CNTN5: variants seen among roughly 807,000 people sequenced by gnomAD.
CNTN5 encodes contactin 5.
A neutral mutation model predicts 129.1 loss-of-function variants in CNTN5; 77 were observed. That is an observed-to-expected ratio of 0.60 (90% CI 0.50 to 0.72). The LOEUF (loss-of-function observed/expected upper bound fraction) is 0.72, where lower values mean the gene tolerates loss of function less well. Ranked by LOEUF, CNTN5 falls within the 30% of genes least tolerant of loss-of-function variation. The pLI is 0.00. For missense variants in CNTN5, 1,478 were observed against 1,328.8 expected, an observed-to-expected ratio of 1.11 and a Z score of -1.75; for synonymous variants, 509 against 465.6, an observed-to-expected ratio of 1.09 and a Z score of -1.20.
In CNTN5 at chr11:100,248,689, A is replaced by G. The variant is rs1949898654; in HGVS notation, c.2006-7071A>G. Among the ~76,000 whole-genome samples, 4 of 152,218 alleles carry G rather than the reference A, an allele frequency of 2.6e-5. No homozygotes were observed. The South Asian group carries it at 8.3e-4, about 32-fold the overall frequency. ...ATCAGCAAGTCTCAGAATTTCACAGAAAATATGATGTTATCTATGTGAGAA... is the reference window on the plus strand; with the variant it reads ...ATCAGCAAGTCTCAGAATTTCACAGGAAATATGATGTTATCTATGTGAGAA... On this transcript the variant is annotated intron_variant, in intron 16 of 24. Transcript: ENST00000524871.
intron 3 of CNTN5, among the ~76,000 whole-genome samples, chr11:99,817,021 A>G (rs1946609443): frequency 1.3e-5 from 2 of 152,206 alleles, no homozygotes; most frequent in Non-Finnish European, 2.9e-5. Flanking sequence ...CTTAAAGCTG[A>G]ATGAGAGTTT....
chr11:99,151,154 C>G (rs1201516646), intron 1 of CNTN5, among the ~76,000 whole-genome samples: 1 of 151,794 alleles, frequency 6.6e-6, no homozygotes. Flanking sequence ...CCAGAAGGTG[C>G]CTTTAGTTGA....
intron 8 of CNTN5, among the ~76,000 whole-genome samples, chr11:99,991,328 G>A (rs7108493): frequency 0.38 from 57,414 of 151,774 alleles, 12,300 homozygotes; most frequent in African/African-American, 0.59. Flanking sequence ...TTAGCCAGGC[G>A]TGGTGGTGGG....
At chr11:99,850,464 TAAGC>T (rs1048416272) in intron 6 of CNTN5, among the ~76,000 whole-genome samples, 3 of 152,158 alleles carry the variant, frequency 2.0e-5, no homozygotes, top group Non-Finnish European at 2.9e-5. Context: ...TTGGAAAAAT[TAAGC>T]AAGTATAAAG....
At chr11:99,947,332 GT>G (rs2136134241) in intron 7 of CNTN5, among the ~76,000 whole-genome samples, 1 of 140,624 alleles carries the variant, frequency 7.1e-6, no homozygotes, top group African/African-American at 2.6e-5. Flanking sequence ...ATAAATATGT[GT>G]TTTATGATTA....
intron 15 of CNTN5, among the ~76,000 whole-genome samples, chr11:100,211,093 T>G (rs1184645508): frequency 6.6e-6 from 1 of 152,154 alleles, no homozygotes; most frequent in Non-Finnish European, 1.5e-5. Flanking sequence ...AATGTCATCC[T>G]CCATGTGTCT....
chr11:99,425,405 A>G (rs570853463), intron 2 of CNTN5, among the ~76,000 whole-genome samples: 206 of 152,324 alleles, frequency 1.4e-3, no homozygotes, highest in African/African-American at 4.8e-3. Context: ...CATGGCGCCA[A>G]GGTTGTTCGT....
At chr11:99,037,611 C>T (rs1398015100) in intron 1 of CNTN5, among the ~76,000 whole-genome samples, 1 of 132,682 alleles carries the variant, frequency 7.5e-6, no homozygotes, top group African/African-American at 2.9e-5. Context: ...CATGGAGTCT[C>T]GCTCTCTTAC....
chr11:99,726,870 T>A (rs1012816133), intron 3 of CNTN5, among the ~76,000 whole-genome samples: 7 of 152,168 alleles, frequency 4.6e-5, no homozygotes, highest in Admixed American at 2.0e-4. Context: ...TGTGATGATA[T>A]CCTGTAAATT....
At chr11:99,201,351 TTTCC>T (rs71046674) in intron 1 of CNTN5, among the ~76,000 whole-genome samples, 12 of 88,150 alleles carry the variant, frequency 1.4e-4, no homozygotes, top group Admixed American at 3.7e-4. Flanking sequence ...CTTCCTTTCC[TTTCC>T]TTCCTTCCTT....
intron 17 of CNTN5, among the ~76,000 whole-genome samples, chr11:100,264,196 A>G (rs1291531075): frequency 1.3e-5 from 2 of 152,000 alleles, no homozygotes; most frequent in Middle Eastern, 3.2e-3. Context: ...TTATCTTTCT[A>G]ATATTATTTG....
intron 3 of CNTN5, among the ~76,000 whole-genome samples, chr11:99,779,546 G>A (rs967840940): frequency 6.6e-6 from 1 of 151,950 alleles, no homozygotes; most frequent in Admixed American, 6.6e-5. Context: ...AATGATAGCT[G>A]AGGTTTCTTA....
intron 2 of CNTN5, among the ~76,000 whole-genome samples, chr11:99,325,921 T>G (rs80052536): frequency 6.6e-6 from 1 of 152,136 alleles, no homozygotes; most frequent in African/African-American, 2.4e-5. Context: ...AGACAATGCT[T>G]AAAGTTAAAT....
intron 1 of CNTN5, among the ~76,000 whole-genome samples, chr11:99,302,884 A>G (rs1565475553): frequency 6.6e-6 from 1 of 151,474 alleles, no homozygotes; most frequent in Non-Finnish European, 1.5e-5. Context: ...ATGGAACACT[A>G]GACTTCACTA....
intron 2 of CNTN5, among the ~76,000 whole-genome samples, chr11:99,403,278 G>A (rs535309592): frequency 3.3e-5 from 5 of 152,220 alleles, no homozygotes; most frequent in South Asian, 4.1e-4. Flanking sequence ...GGGATTACAG[G>A]CATAAGCCAC....
At chr11:99,137,725 T>A (rs1859302857) in intron 1 of CNTN5, among the ~76,000 whole-genome samples, 1 of 152,188 alleles carries the variant, frequency 6.6e-6, no homozygotes, top group African/African-American at 2.4e-5. Flanking sequence ...AAGCTCAAAG[T>A]GCTCTGGTGT....
chr11:99,388,418 A>AG (rs1555129506), intron 2 of CNTN5, among the ~76,000 whole-genome samples: 1 of 150,746 alleles, frequency 6.6e-6, no homozygotes, highest in Non-Finnish European at 1.5e-5. Context: ...CGGTCTCAAA[A>AG]AAAAAAAAAA....
chr11:99,197,163 A>C (rs1458373349), intron 1 of CNTN5, among the ~76,000 whole-genome samples: 2 of 151,996 alleles, frequency 1.3e-5, no homozygotes, highest in African/African-American at 2.4e-5. Context: ...AACACCACAA[A>C]GTTCTTAACA....
intron 1 of CNTN5, among the ~76,000 whole-genome samples, chr11:99,216,212 A>G (rs1459087931): frequency 1.3e-5 from 2 of 151,962 alleles, no homozygotes; most frequent in Non-Finnish European, 2.9e-5. Context: ...TAAGTCCAGT[A>G]TTTTTTAGTT....
Sources: allele counts gnomAD v4.1 joint callset (sites outside exome capture counted in the v4.1 genomes callset), GRCh38; gene constraint gnomAD v4.1.1; transcripts MANE v1.5; gene names NCBI Gene and HGNC (gene_info 2026-07-23, HGNC 2026-07-21).